Variants in TMEM252 observed in about 807,000 individuals in gnomAD.
TMEM252 encodes transmembrane protein 252, also known as transmembrane protein C9orf71.
A neutral mutation model predicts 6.4 loss-of-function variants in TMEM252; 4 were observed. The observed-to-expected ratio is 0.62, with a 90% CI of 0.31 to 1.43. The LOEUF is 1.43. Among genes scored for constraint, TMEM252 ranks in the 40% most tolerant of loss-of-function variants. TMEM252 has a pLI of 0.07. For missense variants in TMEM252, 207 were observed against 209.4 expected (o/e 0.99, Z 0.07); for synonymous variants, 85 against 82.5 (o/e 1.03, Z -0.17).
rs778116807 is a variant in TMEM252 at position 68,537,328 on chromosome 9, T to C, written c.444A>G (p.Arg148=). ...TCACCACCAGGCCGGCTATGGACTC[T>C]CTATAAGATGGTGGGGCCTCTGGGT... The part of the protein sequence containing the change: ...DSHPEAPPSY[R]ESIAGLVVTA... Residue 148 remains arginine, a synonymous_variant, in exon 2 of 2, where the codon AGA becomes AGG. Coordinates refer to ENST00000377311, the MANE Select transcript of TMEM252 (RefSeq NM_153237.2). 1.0e-5 allele frequency: 16 copies of C among 1,604,084 alleles called. No individual in the cohort carries two copies. The South Asian group carries it at 1.8e-4, about 18-fold the overall frequency.
intron 1 of TMEM252, among the ~76,000 whole-genome samples, chr9:68,538,088 A>G (rs1254991213): frequency 6.6e-6 from 1 of 152,246 alleles, no homozygotes; most frequent in Non-Finnish European, 1.5e-5. Flanking sequence ...TCAACTGACA[A>G]CTTTACACAG....
At position 68,540,739 on chromosome 9, in the gene TMEM252, A is replaced by G. The variant is rs1352573538; in HGVS notation, c.76T>C (p.Phe26Leu). 12 of 1,614,042 alleles carry G rather than the reference A, an allele frequency of 7.4e-6. No homozygotes were observed. The highest frequency in any genetic ancestry group is 1.0e-5 in the Non-Finnish European group (12 of 1,180,038). ...MGFLMVCLGAFFISWGSIFDC... is the reference protein window; with the variant it reads ...MGFLMVCLGALFISWGSIFDC... The stretch of plus-strand genomic sequence containing the variant: ...AATATGGAGCCCCAGGAAATGAAGA[A>G]GGCCCCCAGGCAGACCATCAGGAAA... Residue 26 changes from phenylalanine (F) to leucine (L), a missense_variant, in exon 1 of 2, where the codon TTC (phenylalanine) becomes CTC (leucine). By Grantham distance (22) the Phe-to-Leu change is conservative (BLOSUM62 0). Coordinates refer to ENST00000377311, the MANE Select transcript of TMEM252 (RefSeq NM_153237.2).
At chr9:68,538,168 T>C (rs536601204) in intron 1 of TMEM252, among the ~76,000 whole-genome samples, 2 of 152,364 alleles carry the variant, frequency 1.3e-5, no homozygotes, top group Admixed American at 1.3e-4. Context: ...ATGTACTCAT[T>C]GGTCATCTTG....
intron 1 of TMEM252, among the ~76,000 whole-genome samples, chr9:68,539,806 G>T (rs1372351778): frequency 6.6e-6 from 1 of 152,200 alleles, no homozygotes; most frequent in East Asian, 1.9e-4. Context: ...AGAATTGCCA[G>T]ATCAAACAGT....
rs745735316 is a variant in TMEM252 at position 68,540,860 on chromosome 9, C to T, written c.-46G>A. The T allele has an allele frequency of 2.5e-6, 4 of 1,574,946 alleles. No homozygotes were observed. The highest frequency in any genetic ancestry group is 3.5e-6 in the Non-Finnish European group (4 of 1,151,686). ...GCACCCTGACCCTGCTGCTCCTCTG[C>T]TTCCCTGCTTGCTCCAAGAGAATGA... is the stretch of plus-strand genomic sequence containing the variant. On this transcript the variant is annotated 5_prime_UTR_variant, in exon 1 of 2. Coordinates refer to ENST00000377311, the MANE Select transcript of TMEM252 (RefSeq NM_153237.2).
At chr9:68,537,697 G>T (rs532366751) in intron 1 of TMEM252, among the ~76,000 whole-genome samples, 1 of 152,192 alleles carries the variant, frequency 6.6e-6, no homozygotes, top group Non-Finnish European at 1.5e-5. Flanking sequence ...TCAGCCACAG[G>T]ATGCCTGCCT....
In TMEM252 at chr9:68,540,583, G is replaced by T. The variant is rs1229657738; in HGVS notation, c.232C>A (p.Arg78=). 2 of 1,614,022 alleles carry T rather than the reference G, an allele frequency of 1.2e-6. No individual in the cohort carries two copies. The highest frequency in any genetic ancestry group is 8.5e-7 in the Non-Finnish European group (1 of 1,180,024). The change falls in exon 1 of 2, where the codon CGA becomes AGA. Residue 78 remains arginine, a synonymous_variant. Coordinates refer to ENST00000377311, the MANE Select transcript of TMEM252 (RefSeq NM_153237.2). ...ESKGVLRHML[R]QHLAHGALPV... is the part of the protein sequence containing the mutation. ...AGGGCCCCATGAGCAAGGTGTTGTC[G>T]GAGCATGTGCCTCAACACTCCTTTG...
chr9:68,540,329 T>C (rs867277437), intron 1 of TMEM252, among the ~76,000 whole-genome samples: 1 of 152,138 alleles, frequency 6.6e-6, no homozygotes, highest in African/African-American at 2.4e-5. Context: ...CTGAGATGAG[T>C]TGCCCCTGCG....
rs960846616 is a variant in TMEM252 at position 68,537,011 on chromosome 9, G to A, written c.*248C>T. Reference sequence around the variant, plus strand: ...CACCTTTGGGGACCCAAGGCCAGCCGGGGTTAAGATTAGTGTGAATGCTCT... The same window carrying A: ...CACCTTTGGGGACCCAAGGCCAGCCAGGGTTAAGATTAGTGTGAATGCTCT... On this transcript the variant is annotated 3_prime_UTR_variant, in exon 2 of 2. Coordinates refer to ENST00000377311, the MANE Select transcript of TMEM252 (RefSeq NM_153237.2). 17 of 431,536 alleles carry A rather than the reference G, an allele frequency of 3.9e-5. No individual in the cohort carries two copies. The highest frequency in any genetic ancestry group is 2.5e-4 in the African/African-American group (12 of 47,700). The allele number at this position is 431,536 out of a possible 1,614,324, so 26.7% of individuals were successfully genotyped here.
chr9:68,538,453 A>C (rs1825167199), intron 1 of TMEM252, among the ~76,000 whole-genome samples: 1 of 152,234 alleles, frequency 6.6e-6, no homozygotes, highest in African/African-American at 2.4e-5. Flanking sequence ...GCCTTCGCTC[A>C]GAATAGCCAA....
At chr9:68,538,845 C>T (rs1319207750) in intron 1 of TMEM252, among the ~76,000 whole-genome samples, 1 of 152,184 alleles carries the variant, frequency 6.6e-6, no homozygotes, top group East Asian at 1.9e-4. Flanking sequence ...TAATATTATG[C>T]AGTGTTAGTC....
In TMEM252 at chr9:68,540,772, G is replaced by T; in HGVS notation, c.43C>A (p.Leu15Met). Residue 15 changes from leucine (L) to methionine (M), a missense_variant, in exon 1 of 2, where the codon CTG becomes ATG. Physicochemically the swap from Leu to Met is conservative, Grantham distance 15. Transcript: ENST00000377311. ...TGLILCALAL[L>M]MGFLMVCLGA... ...AGGCAGACCATCAGGAAACCCATCA[G>T]GAGGGCAAGAGCACAGAGAATGAGG... The T allele has an allele frequency of 6.2e-7, 1 of 1,614,132 alleles. No homozygotes were observed. Among genetic ancestry groups the T allele is most frequent in the African/African-American group, 1.3e-5 (1 of 75,032 alleles).
chr9:68,538,175 C>G (rs1825164357), intron 1 of TMEM252, among the ~76,000 whole-genome samples: 1 of 152,222 alleles, frequency 6.6e-6, no homozygotes, highest in Non-Finnish European at 1.5e-5. Flanking sequence ...CATTGGTCAT[C>G]TTGCCTGGCA....
Position 68,540,705 on chromosome 9 carries a change from T to C in TMEM252, c.110A>G (p.Gln37Arg), listed in dbSNP as rs372500287. 3.1e-6 allele frequency: 5 copies of C among 1,613,968 alleles called. No homozygotes were observed. Among genetic ancestry groups the C allele is most frequent in the Non-Finnish European group, 4.2e-6 (5 of 1,179,988 alleles). The change falls in exon 1 of 2, where the codon CAG becomes CGG. Residue 37 changes from glutamine (Q) to arginine (R), a missense_variant. Physicochemically the swap from Gln to Arg is conservative, Grantham distance 43 (BLOSUM62 1). Transcript: ENST00000377311. ...FISWGSIFDC[Q>R]GSLIAAYLLL... is the part of the protein sequence containing the mutation. ...CAAATAGGCCGCAATCAGGCTCCCC[T>C]GACAGTCGAATATGGAGCCCCAGGA...
At chr9:68,538,531 G>A (rs1564032775) in intron 1 of TMEM252, among the ~76,000 whole-genome samples, 1 of 152,224 alleles carries the variant, frequency 6.6e-6, no homozygotes, top group Non-Finnish European at 1.5e-5. Context: ...CTGGAGTGAT[G>A]TGAAAGGTTC....
rs1825193949 is a variant in TMEM252 at position 68,540,638 on chromosome 9, G to T, written c.177C>A (p.Phe59Leu). 6.2e-7 allele frequency: 1 copy of T among 1,614,034 alleles called. No individual in the cohort carries two copies. Among genetic ancestry groups the T allele is most frequent in the Non-Finnish European group, 8.5e-7 (1 of 1,180,038 alleles). ...CAGTCACCTGGCGATAGTTGCTCCA[G>T]AAAATTCCACTCAGAAGGATCACAA... ...LGFVILLSGIFWSNYRQVTES... is the reference protein window; with the variant it reads ...LGFVILLSGILWSNYRQVTES... The change falls in exon 1 of 2, where the codon TTC (phenylalanine) becomes TTA (leucine). Residue 59 changes from phenylalanine (F) to leucine (L), a missense_variant. Transcript: ENST00000377311.
chr9:68,537,902 C>G (rs1336962078), intron 1 of TMEM252, among the ~76,000 whole-genome samples: 2 of 152,142 alleles, frequency 1.3e-5, no homozygotes, highest in South Asian at 4.1e-4. Context: ...TGGCATCATC[C>G]CCTCAATTGC....
Position 68,537,391 on chromosome 9 carries a change from T to C in TMEM252, c.381A>G (p.Thr127=). The C allele has an allele frequency of 1.2e-6, 2 of 1,609,584 alleles. No homozygotes were observed. The highest frequency in any genetic ancestry group is 1.7e-6 in the Non-Finnish European group (2 of 1,178,628). The change falls in exon 2 of 2, where the codon ACA becomes ACG. Residue 127 remains threonine (T), a synonymous_variant. Coordinates refer to ENST00000377311, the MANE Select transcript of TMEM252 (RefSeq NM_153237.2). ...CATCCTGGAATTCCAGGCCCGTCTC[T>C]GTATATAGAGGTGGAGGAATGCCAG... ...EASGIPPPLY[T]ETGLEFQDGN... is the part of the protein sequence containing the mutation.
chr9:68,539,956 G>C (rs940567076), intron 1 of TMEM252, among the ~76,000 whole-genome samples: 2 of 152,146 alleles, frequency 1.3e-5, no homozygotes, highest in African/African-American at 4.8e-5. Flanking sequence ...TTTGTTTTTT[G>C]ATGATAACTA....
Sources: allele counts gnomAD v4.1 joint callset (sites outside exome capture counted in the v4.1 genomes callset), GRCh38; gene constraint gnomAD v4.1.1; transcripts MANE v1.5; gene names NCBI Gene and HGNC (gene_info 2026-07-23, HGNC 2026-07-21).